Variants in NRG3 observed in about 807,000 individuals in gnomAD.
The protein encoded by NRG3 is pro-neuregulin-3, membrane-bound isoform.
In NRG3, 31 loss-of-function variants were observed where a neutral mutation model predicts 66.9. That is an observed-to-expected ratio of 0.46 (90% CI 0.35 to 0.63). The LOEUF (loss-of-function observed/expected upper bound fraction) is 0.63. NRG3 is among the 20% of genes least tolerant of loss of function. NRG3 has a pLI of 0.00. For synonymous variants in NRG3, 393 were observed against 359.4 expected (o/e 1.09, Z -1.06); for missense variants, 910 against 878.9 (o/e 1.04, Z -0.45).
At chr10:82,520,331 C>T (rs929062803) in intron 2 of NRG3, among the ~76,000 whole-genome samples, 4 of 151,804 alleles carry the variant, frequency 2.6e-5, no homozygotes, top group Admixed American at 1.3e-4. Flanking sequence ...TCCAAATCTT[C>T]TAGTCTCCTG....
chr10:82,219,745 C>G (rs764187604), intron 1 of NRG3, among the ~76,000 whole-genome samples: 32 of 151,996 alleles, frequency 2.1e-4, no homozygotes, highest in Non-Finnish European at 4.0e-4. Context: ...TCTAGATTCT[C>G]AATAGTCTTA....
chr10:82,081,724 T>C (rs1162883296), intron 1 of NRG3, among the ~76,000 whole-genome samples: 1 of 152,224 alleles, frequency 6.6e-6, no homozygotes, highest in Admixed American at 6.5e-5. Flanking sequence ...ATGATGTAAG[T>C]AATTTGGAGG....
At chr10:82,610,086 T>C (rs1044527267) in intron 2 of NRG3, among the ~76,000 whole-genome samples, 1 of 152,178 alleles carries the variant, frequency 6.6e-6, no homozygotes, top group Admixed American at 6.5e-5. Context: ...TTGCTGGCTG[T>C]CAGCCAGAAC....
At chr10:82,694,016 ATTTTACAGAGTGCTGATTGGTGCAT>A (rs1565209715) in intron 2 of NRG3, among the ~76,000 whole-genome samples, 1 of 152,124 alleles carries the variant, frequency 6.6e-6, no homozygotes, top group Non-Finnish European at 1.5e-5. Flanking sequence ...TGATTAGTCC[ATTTTACAGAGTGCTGATTGGTGCAT>A]TTTTACAGAG....
chr10:82,244,802 C>T (rs558796086), intron 1 of NRG3, among the ~76,000 whole-genome samples: 8 of 152,150 alleles, frequency 5.3e-5, no homozygotes, highest in South Asian at 2.1e-4. Flanking sequence ...GGCTTGATCT[C>T]GGCTCACTGC....
intron 3 of NRG3, among the ~76,000 whole-genome samples, chr10:82,840,770 G>A (rs996202950): frequency 2.0e-5 from 3 of 152,016 alleles, no homozygotes; most frequent in African/African-American, 4.8e-5. Context: ...AATGGAGAGG[G>A]TTGAAAATTA....
chr10:81,957,826 A>G (rs1589595743), intron 1 of NRG3, among the ~76,000 whole-genome samples: 1 of 152,382 alleles, frequency 6.6e-6, no homozygotes, highest in African/African-American at 2.4e-5. Flanking sequence ...GAATAGTCTG[A>G]TGATTAAGTA....
chr10:82,808,670 T>C (rs1166618840), intron 3 of NRG3, among the ~76,000 whole-genome samples: 1 of 152,202 alleles, frequency 6.6e-6, no homozygotes, highest in African/African-American at 2.4e-5. Context: ...TTATGATTAA[T>C]AGAATTACCC....
intron 2 of NRG3, among the ~76,000 whole-genome samples, chr10:82,537,822 G>T (rs1381392935): frequency 6.6e-6 from 1 of 151,956 alleles, no homozygotes; most frequent in African/African-American, 2.4e-5. Flanking sequence ...TAAATCAAGG[G>T]GTTTAGACTG....
chr10:82,920,169 G>A (rs1725962758), intron 4 of NRG3, among the ~76,000 whole-genome samples: 1 of 152,198 alleles, frequency 6.6e-6, no homozygotes, highest in South Asian at 2.1e-4. Flanking sequence ...TGAAGGAACT[G>A]TACGTAAGTA....
intron 3 of NRG3, among the ~76,000 whole-genome samples, chr10:82,744,957 C>T (rs1216867474): frequency 6.6e-6 from 1 of 152,106 alleles, no homozygotes; most frequent in Admixed American, 6.6e-5. Flanking sequence ...GTGTACAAGG[C>T]ACTGAGACAG....
chr10:82,655,335 A>T (rs1390698135), intron 2 of NRG3, among the ~76,000 whole-genome samples: 1 of 152,156 alleles, frequency 6.6e-6, no homozygotes. Context: ...AATTTTCTAA[A>T]TTCATAGAAA....
At chr10:81,943,443 C>G (rs1454101028) in intron 1 of NRG3, among the ~76,000 whole-genome samples, 2 of 152,136 alleles carry the variant, frequency 1.3e-5, no homozygotes, top group Non-Finnish European at 2.9e-5. Context: ...TTCCCCCTTA[C>G]TAATCTTGTG....
rs79551464 is a variant in NRG3, at chr10:82,623,503, T to C, written c.954-115074T>C. 4.4e-3 allele frequency among the ~76,000 whole-genome samples: 671 copies of C among 152,282 alleles called. 9 individuals carry two copies. The highest frequency in any genetic ancestry group is 0.015 in the African/African-American group (640 of 41,574). Reference sequence around the variant, plus strand: ...TCATTTATTCATCCATCCCACACTTTGGCATTTTCTATGTGCCAGGCATTA... The same window carrying C: ...TCATTTATTCATCCATCCCACACTTCGGCATTTTCTATGTGCCAGGCATTA... On this transcript the variant is annotated intron_variant, in intron 2 of 8. Coordinates refer to ENST00000372141, the MANE Select transcript of NRG3 (RefSeq NM_001010848.4).
chr10:82,820,379 T>C (rs61858458), intron 3 of NRG3, among the ~76,000 whole-genome samples: 16,353 of 152,220 alleles, frequency 0.11, 1,011 homozygotes, highest in South Asian at 0.2. Context: ...CTTTTCCTTC[T>C]CTTTATATTG....
intron 7 of NRG3, among the ~76,000 whole-genome samples, chr10:82,974,205 AAT>A (rs1194048034): frequency 6.6e-6 from 1 of 152,184 alleles, no homozygotes; most frequent in Non-Finnish European, 1.5e-5. Flanking sequence ...TATTTTAAAA[AAT>A]ATGTTATCTA....
intron 4 of NRG3, among the ~76,000 whole-genome samples, chr10:82,934,896 T>C (rs979799194): frequency 6.6e-6 from 1 of 152,176 alleles, no homozygotes; most frequent in Non-Finnish European, 1.5e-5. Flanking sequence ...GAAATCACCA[T>C]ACCGTGGGTT....
chr10:82,261,808 G>A (rs971755381), intron 1 of NRG3, among the ~76,000 whole-genome samples: 1 of 152,154 alleles, frequency 6.6e-6, no homozygotes, highest in Non-Finnish European at 1.5e-5. Context: ...TTTCCGCCCT[G>A]GGTGGGCCAG....
chr10:82,236,477 C>A (rs1053493394), intron 1 of NRG3, among the ~76,000 whole-genome samples: 1 of 152,150 alleles, frequency 6.6e-6, no homozygotes, highest in South Asian at 2.1e-4. Context: ...TCAGTCTTTG[C>A]CATCCTTGTA....
Sources: allele counts gnomAD v4.1 joint callset (sites outside exome capture counted in the v4.1 genomes callset), GRCh38; gene constraint gnomAD v4.1.1; transcripts MANE v1.5; gene names NCBI Gene and HGNC (gene_info 2026-07-23, HGNC 2026-07-21).